Variants in ST8SIA2 observed in about 807,000 individuals in gnomAD.
The protein encoded by ST8SIA2 is ST8 alpha-N-acetyl-neuraminide alpha-2,8-sialyltransferase 2.
ST8SIA2 carries 22 observed loss-of-function variants against 37.6 expected under a neutral mutation model. The observed-to-expected ratio is 0.58, with a 90% CI of 0.42 to 0.83. The LOEUF (loss-of-function observed/expected upper bound fraction) is 0.83. ST8SIA2 is among the 40% of genes least tolerant of loss of function. The pLI, the probability that ST8SIA2 is intolerant of heterozygous loss-of-function variation, is 0.00. For missense variants in ST8SIA2, 382 were observed against 484.7 expected, an observed-to-expected ratio of 0.79 and a Z score of 1.99; for synonymous variants, 205 against 201.2, an observed-to-expected ratio of 1.02 and a Z score of -0.16.
intron 4 of ST8SIA2, among the ~76,000 whole-genome samples, chr15:92,440,562 G>A (rs1020513139): frequency 1.3e-5 from 2 of 152,178 alleles, no homozygotes; most frequent in Non-Finnish European, 2.9e-5. Flanking sequence ...GTTGTTCTTT[G>A]TCCCTTAGGC....
chr15:92,427,214 TTGTC>T (rs1419573273), intron 1 of ST8SIA2, among the ~76,000 whole-genome samples: 1 of 151,502 alleles, frequency 6.6e-6, no homozygotes, highest in Non-Finnish European at 1.5e-5. Flanking sequence ...CACAGTTTGT[TTGTC>T]TATTATGTCT....
chr15:92,432,692 A>G (rs1317707370), intron 2 of ST8SIA2, among the ~76,000 whole-genome samples: 3 of 152,192 alleles, frequency 2.0e-5, no homozygotes, highest in Non-Finnish European at 2.9e-5. Flanking sequence ...TCAATTCTCT[A>G]TCCTCTGCGA....
intron 1 of ST8SIA2, among the ~76,000 whole-genome samples, chr15:92,402,445 G>A (rs1484973799): frequency 6.6e-6 from 1 of 152,180 alleles, no homozygotes; most frequent in African/African-American, 2.4e-5. Flanking sequence ...CTAGTAAGGT[G>A]CAGAGCTGGG....
intron 1 of ST8SIA2, among the ~76,000 whole-genome samples, chr15:92,402,389 T>G (rs1346419706): frequency 6.6e-6 from 1 of 152,184 alleles, no homozygotes; most frequent in South Asian, 2.1e-4. Context: ...ATTATCTCCC[T>G]TTTACAGATT....
chr15:92,435,663 G>A (rs991084407), intron 3 of ST8SIA2, among the ~76,000 whole-genome samples: 3 of 152,100 alleles, frequency 2.0e-5, no homozygotes, highest in African/African-American at 7.2e-5. Context: ...TGAAAGGCAT[G>A]AGCTCTGGGG....
Position 92,463,740 on chromosome 15 carries a change from G to A in ST8SIA2, c.843-360G>A, listed in dbSNP as rs79786997. On this transcript the variant is annotated intron_variant, in intron 5 of 5. Transcript: ENST00000268164. The stretch of plus-strand genomic sequence containing the variant: ...AGCCCCTTACAGAAAAAGGTTGCCA[G>A]CTCCTGCTTGAGCTGTCCACGGGCC... Among the ~76,000 whole-genome samples, 980 of 152,362 alleles carry A rather than the reference G, an allele frequency of 6.4e-3. 6 individuals carry two copies. Among genetic ancestry groups the A allele is most frequent in the African/African-American group, 0.022 (912 of 41,582 alleles).
chr15:92,431,806 C>G (rs904726721), intron 2 of ST8SIA2, among the ~76,000 whole-genome samples: 1 of 152,160 alleles, frequency 6.6e-6, no homozygotes, highest in African/African-American at 2.4e-5. Context: ...GTGACTTTTC[C>G]AAGTCCCCCA....
chr15:92,403,738 T>C (rs2141800742), intron 1 of ST8SIA2, among the ~76,000 whole-genome samples: 1 of 152,348 alleles, frequency 6.6e-6, no homozygotes, highest in South Asian at 2.1e-4. Flanking sequence ...TTTGCTATTT[T>C]CCTACAAGCA....
intron 5 of ST8SIA2, among the ~76,000 whole-genome samples, chr15:92,454,376 T>C (rs2049904220): frequency 6.6e-6 from 1 of 152,096 alleles, no homozygotes; most frequent in Non-Finnish European, 1.5e-5. Flanking sequence ...GACCTAATTT[T>C]AACTTCATTA....
chr15:92,413,033 G>A (rs531072739), intron 1 of ST8SIA2, among the ~76,000 whole-genome samples: 1 of 152,016 alleles, frequency 6.6e-6, no homozygotes, highest in African/African-American at 2.4e-5. Context: ...CTGGCTGGTG[G>A]GGGGTGTAGG....
intron 4 of ST8SIA2, among the ~76,000 whole-genome samples, 191 bp from the exon 5 acceptor site, chr15:92,444,445 C>T (rs1258760049): frequency 1.3e-5 from 2 of 152,192 alleles, no homozygotes; most frequent in African/African-American, 4.8e-5. Flanking sequence ...ACGATATGAG[C>T]TCAGTAAACC....
In ST8SIA2 at chr15:92,464,658, C is replaced by T; in HGVS notation, c.*273C>T. The stretch of plus-strand genomic sequence containing the variant: ...TGAACCAGATTGAGACTCAATCCAT[C>T]TTTGGGGGTGGAAGGACTTGACATG... On this transcript the variant is annotated 3_prime_UTR_variant, in exon 6 of 6. Coordinates refer to ENST00000268164, the MANE Select transcript of ST8SIA2 (RefSeq NM_006011.4). 1 of 487,294 alleles carries T rather than the reference C, an allele frequency of 2.1e-6. No homozygotes were observed. The highest frequency in any genetic ancestry group is 3.7e-6 in the Non-Finnish European group (1 of 271,636). 30.2% of individuals were successfully genotyped at this position (487,294 alleles called of 1,614,324 possible). A position where few individuals can be genotyped will look rare whatever the true frequency, so the allele number is the denominator to read the frequency against.
At chr15:92,458,507 G>T (rs1404898585) in intron 5 of ST8SIA2, among the ~76,000 whole-genome samples, 2 of 152,168 alleles carry the variant, frequency 1.3e-5, no homozygotes, top group Non-Finnish European at 2.9e-5. Flanking sequence ...GTAAGGTGTG[G>T]TCCCTGCGCT....
In ST8SIA2 at chr15:92,465,969, C is replaced by T. The variant is rs1368848403; in HGVS notation, c.*1584C>T. 8 of 152,138 alleles carry T rather than the reference C, an allele frequency of 5.3e-5. No individual in the cohort carries two copies. The highest frequency in any genetic ancestry group is 7.3e-5 in the Non-Finnish European group (5 of 68,040). 9.4% of individuals were successfully genotyped at this position (152,138 alleles called of 1,614,324 possible). A position where few individuals can be genotyped will look rare whatever the true frequency, so the allele number is the denominator to read the frequency against. Reference sequence around the variant, plus strand: ...ATTTGAAAGGTAAGTAAAAAACTACCATCTTGAAGGTGAAGGGAGTTAAGA... The same window carrying T: ...ATTTGAAAGGTAAGTAAAAAACTACTATCTTGAAGGTGAAGGGAGTTAAGA... On this transcript the variant is annotated 3_prime_UTR_variant, in exon 6 of 6. Coordinates refer to ENST00000268164, the MANE Select transcript of ST8SIA2 (RefSeq NM_006011.4).
intron 1 of ST8SIA2, among the ~76,000 whole-genome samples, chr15:92,402,030 C>T (rs2049475901): frequency 6.6e-6 from 1 of 152,024 alleles, no homozygotes; most frequent in Non-Finnish European, 1.5e-5. Context: ...CTTTGGGATA[C>T]TAAGATGTCC....
chr15:92,454,751 G>C (rs2049907912), intron 5 of ST8SIA2, among the ~76,000 whole-genome samples: 1 of 151,892 alleles, frequency 6.6e-6, no homozygotes, highest in Non-Finnish European at 1.5e-5. Flanking sequence ...TGGCTCTGCT[G>C]GCCTGTGGGG....
At chr15:92,439,667 C>G (rs935904880) in intron 4 of ST8SIA2, among the ~76,000 whole-genome samples, 1 of 152,186 alleles carries the variant, frequency 6.6e-6, no homozygotes, top group Non-Finnish European at 1.5e-5. Flanking sequence ...GGGATTGAAA[C>G]GCTACCACAG....
intron 5 of ST8SIA2, among the ~76,000 whole-genome samples, chr15:92,452,391 C>T (rs1041482893): frequency 6.6e-6 from 1 of 152,220 alleles, no homozygotes; most frequent in Non-Finnish European, 1.5e-5. Flanking sequence ...AACCAATGAA[C>T]CTCCCAGGGG....
At chr15:92,463,147 A>G (rs1016554574) in intron 5 of ST8SIA2, among the ~76,000 whole-genome samples, 6 of 152,228 alleles carry the variant, frequency 3.9e-5, no homozygotes, top group Non-Finnish European at 5.9e-5. Context: ...CCCCCCTCTG[A>G]GCATGTTTCT....
Sources: allele counts gnomAD v4.1 joint callset (sites outside exome capture counted in the v4.1 genomes callset), GRCh38; gene constraint gnomAD v4.1.1; transcripts MANE v1.5; gene names NCBI Gene and HGNC (gene_info 2026-07-23, HGNC 2026-07-21).